Variants in HNF4G observed in about 807,000 individuals in gnomAD.
HNF4G encodes hepatocyte nuclear factor 4 gamma.
A neutral mutation model predicts 50.9 loss-of-function variants in HNF4G; 21 were observed. That is an observed-to-expected ratio of 0.41 (90% CI 0.29 to 0.59). The LOEUF (loss-of-function observed/expected upper bound fraction) is 0.59. HNF4G is among the 20% of genes least tolerant of loss of function. HNF4G has a pLI of 0.26. For missense variants in HNF4G, 527 were observed against 559.4 expected, an observed-to-expected ratio of 0.94 and a Z score of 0.58; for synonymous variants, 198 against 185.6, an observed-to-expected ratio of 1.07 and a Z score of -0.54.
At chr8:75,548,713 A>C (rs1401956836) in intron 3 of HNF4G, among the ~76,000 whole-genome samples, 1 of 152,214 alleles carries the variant, frequency 6.6e-6, no homozygotes, top group Non-Finnish European at 1.5e-5. Flanking sequence ...TATCATATAC[A>C]AAGAGATGTT....
chr8:75,537,643 C>T (rs1045009141), upstream of HNF4G, among the ~76,000 whole-genome samples: 2 of 151,956 alleles, frequency 1.3e-5, no homozygotes, highest in African/African-American at 4.8e-5. Flanking sequence ...TTTTGAAAAA[C>T]TAAAATTCTA....
intron 3 of HNF4G, among the ~76,000 whole-genome samples, chr8:75,551,026 A>C (rs754348335): frequency 1.3e-5 from 2 of 152,180 alleles, no homozygotes; most frequent in Non-Finnish European, 2.9e-5. Context: ...ATACACTCTT[A>C]TCTTTGACCT....
chr8:75,503,590 T>C (rs972169795), intron 2 of HNF4G, among the ~76,000 whole-genome samples: 4 of 152,222 alleles, frequency 2.6e-5, no homozygotes, highest in Non-Finnish European at 4.4e-5. Flanking sequence ...TTGTTACTTA[T>C]AATACTTTAC....
intron 1 of HNF4G, among the ~76,000 whole-genome samples, chr8:75,426,599 T>G (rs1309699005): frequency 6.6e-6 from 1 of 152,214 alleles, no homozygotes; most frequent in Non-Finnish European, 1.5e-5. Context: ...AGCCACTGTT[T>G]TAACCTTAAT....
chr8:75,471,254 A>G (rs7825331), intron 1 of HNF4G, among the ~76,000 whole-genome samples: 9,882 of 152,186 alleles, frequency 0.065, 358 homozygotes, highest in Middle Eastern at 0.068. Context: ...GCCAGTAGGG[A>G]CTGTATATCA....
At chr8:75,513,374 CT>C (rs1009868748) in intron 2 of HNF4G, among the ~76,000 whole-genome samples, 1 of 152,146 alleles carries the variant, frequency 6.6e-6, no homozygotes, top group Non-Finnish European at 1.5e-5. Context: ...TTCAGATTTT[CT>C]ATTTCTTGTG....
intron 5 of HNF4G, among the ~76,000 whole-genome samples, chr8:75,554,685 C>CAG (rs1807063946): frequency 6.6e-6 from 1 of 152,088 alleles, no homozygotes; most frequent in Admixed American, 6.6e-5. Context: ...ATACAGATTT[C>CAG]TTCACTATTC....
intron 1 of HNF4G, among the ~76,000 whole-genome samples, chr8:75,454,050 T>TCC (rs1472341442): frequency 1.8e-4 from 24 of 132,448 alleles, no homozygotes; most frequent in Non-Finnish European, 3.0e-4. Context: ...TCTCTCTCTC[T>TCC]CTCCCTCCCT....
At chr8:75,449,570 G>A (rs975012592) in intron 1 of HNF4G, among the ~76,000 whole-genome samples, 6 of 149,458 alleles carry the variant, frequency 4.0e-5, no homozygotes, top group African/African-American at 9.9e-5. Flanking sequence ...GCAGTGGGGC[G>A]ATCTCGGCTC....
chr8:75,528,646 CAT>C (rs1479452979), intron 2 of HNF4G, among the ~76,000 whole-genome samples: 1 of 152,162 alleles, frequency 6.6e-6, no homozygotes, highest in African/African-American at 2.4e-5. Flanking sequence ...ATGCAGATGT[CAT>C]AGAATGAGTT....
chr8:75,442,518 G>A (rs1811311805), intron 1 of HNF4G, among the ~76,000 whole-genome samples: 1 of 152,032 alleles, frequency 6.6e-6, no homozygotes, highest in Non-Finnish European at 1.5e-5. Context: ...AGGCTGCAGT[G>A]AGTCATGATT....
intron 1 of HNF4G, among the ~76,000 whole-genome samples, chr8:75,482,349 TCTCCC>T (rs1038790346): frequency 1.3e-5 from 2 of 151,938 alleles, no homozygotes; most frequent in African/African-American, 4.8e-5. Context: ...TCTCTTCTCC[TCTCCC>T]CTCCCCTCCC....
upstream of HNF4G, chr8:75,539,786 C>A (rs773056575): frequency 4.4e-4 from 218 of 492,212 alleles, no homozygotes; most frequent in Non-Finnish European, 6.6e-4. Flanking sequence ...AAGAAATAAG[C>A]AGAATATGGC....
intron 1 of HNF4G, among the ~76,000 whole-genome samples, chr8:75,445,710 C>A (rs1811409523): frequency 7.2e-6 from 1 of 138,782 alleles, no homozygotes; most frequent in Non-Finnish European, 1.5e-5. Flanking sequence ...GACACATACA[C>A]TCTCCCAAGA....
At chr8:75,563,950 A>G (rs1318381018) in intron 9 of HNF4G, 25 bp from the exon 10 acceptor site, 1 of 1,612,272 alleles carries the variant, frequency 6.2e-7, no homozygotes, top group Admixed American at 1.7e-5. Flanking sequence ...CCACCATTAG[A>G]CTCAATTCTC....
chr8:75,526,017 G>T (rs1382266207), intron 2 of HNF4G, among the ~76,000 whole-genome samples: 1 of 152,112 alleles, frequency 6.6e-6, no homozygotes, highest in Non-Finnish European at 1.5e-5. Context: ...TTCAAATGAA[G>T]CTAGAAACTG....
chr8:75,477,425 A>C (rs980269363), intron 1 of HNF4G, among the ~76,000 whole-genome samples: 1 of 152,160 alleles, frequency 6.6e-6, no homozygotes, highest in African/African-American at 2.4e-5. Flanking sequence ...GTCTCATCAT[A>C]TGTACAGAAA....
intron 1 of HNF4G, among the ~76,000 whole-genome samples, chr8:75,434,886 G>T (rs894577967): frequency 5.9e-5 from 9 of 152,272 alleles, no homozygotes; most frequent in Admixed American, 2.0e-4. Context: ...AAACTTAGTA[G>T]TCTGATAAAT....
chr8:75,425,065 T>G (rs1810860801), intron 1 of HNF4G, among the ~76,000 whole-genome samples: 1 of 110,142 alleles, frequency 9.1e-6, no homozygotes, highest in South Asian at 2.8e-4. Flanking sequence ...ATGCAGCCTA[T>G]TTATTTATTT....
Sources: allele counts gnomAD v4.1 joint callset (sites outside exome capture counted in the v4.1 genomes callset), GRCh38; gene constraint gnomAD v4.1.1; transcripts MANE v1.5; gene names NCBI Gene and HGNC (gene_info 2026-07-23, HGNC 2026-07-21).